The following ADAM32 variants were observed in gnomAD, a reference collection of about 807,000 sequenced individuals.
ADAM32 encodes ADAM metallopeptidase domain 32.
ADAM32 carries 89 observed loss-of-function variants against 114.9 expected under a neutral mutation model. The ratio of observed to expected loss-of-function variants is 0.77; its 90% CI spans 0.65 to 0.92. The LOEUF is 0.92. Among genes scored for constraint, ADAM32 ranks in the 40% least tolerant of loss-of-function variants. ADAM32 has a pLI of 0.00. For missense variants in ADAM32, 870 were observed against 932.8 expected, an observed-to-expected ratio of 0.93 and a Z score of 0.88; for synonymous variants, 285 against 307.5, an observed-to-expected ratio of 0.93 and a Z score of 0.77.
chr8:39,214,918 T>A (rs1333128136), intron 12 of ADAM32, among the ~76,000 whole-genome samples: 1 of 152,120 alleles, frequency 6.6e-6, no homozygotes, highest in Admixed American at 6.5e-5. Flanking sequence ...GATATCCAGT[T>A]TTCTCAGCAT....
At chr8:39,118,416 G>C (rs1840463681) in intron 2 of ADAM32, among the ~76,000 whole-genome samples, 1 of 152,036 alleles carries the variant, frequency 6.6e-6, no homozygotes, top group Non-Finnish European at 1.5e-5. Context: ...GTAGAATTAA[G>C]TGTTTTATCT....
intron 20 of ADAM32, among the ~76,000 whole-genome samples, chr8:39,272,913 C>T (rs1453366613): frequency 6.6e-6 from 1 of 152,090 alleles, no homozygotes; most frequent in African/African-American, 2.4e-5. Context: ...TTCTTTATAT[C>T]TTTATCGGCT....
At chr8:39,235,977 C>G (rs1810109918) in intron 16 of ADAM32, among the ~76,000 whole-genome samples, 1 of 152,110 alleles carries the variant, frequency 6.6e-6, no homozygotes, top group African/African-American at 2.4e-5. Flanking sequence ...AAAACAAGCT[C>G]TAATGTTACT....
chr8:39,263,433 A>G (rs1812164889), intron 19 of ADAM32, among the ~76,000 whole-genome samples: 1 of 151,956 alleles, frequency 6.6e-6, no homozygotes, highest in Non-Finnish European at 1.5e-5. Flanking sequence ...TCTCCTTCTG[A>G]ACTTCCTGTA....
rs147982829 is a variant in ADAM32, at chr8:39,276,932, C to T, written c.2279+1066C>T. On this transcript the variant is annotated intron_variant, in intron 22 of 24. Coordinates refer to ENST00000379907, the MANE Select transcript of ADAM32 (RefSeq NM_145004.7). ...TATAGCTAGCATGTAGCAGAGTGCT[C>T]GGCTCATATTATAAGTGATCAATAA... 6.0e-3 allele frequency among the ~76,000 whole-genome samples: 914 copies of T among 152,102 alleles called. 8 individuals carry two copies. The highest frequency in any genetic ancestry group is 0.021 in the African/African-American group (876 of 41,476).
intron 19 of ADAM32, among the ~76,000 whole-genome samples, chr8:39,263,567 A>G (rs181054486): frequency 6.6e-6 from 1 of 152,182 alleles, no homozygotes. Flanking sequence ...AGGGCTTTTA[A>G]AAACTGGGAT....
At chr8:39,261,814 T>C (rs904775432) in intron 19 of ADAM32, among the ~76,000 whole-genome samples, 11 of 149,974 alleles carry the variant, frequency 7.3e-5, no homozygotes, top group Non-Finnish European at 1.6e-4. Context: ...ATGTTGAACA[T>C]TTTTTCTCAT....
At chr8:39,130,912 T>C (rs1325909111) in intron 2 of ADAM32, 8 of 454,986 alleles carry the variant, frequency 1.8e-5, no homozygotes, top group Non-Finnish European at 3.1e-5. Context: ...TCATTTATCA[T>C]GCCTATAATC....
At chr8:39,262,617 C>T (rs1298466715) in intron 19 of ADAM32, among the ~76,000 whole-genome samples, 1 of 151,762 alleles carries the variant, frequency 6.6e-6, no homozygotes, top group African/African-American at 2.4e-5. Flanking sequence ...TCCTACCTTC[C>T]TCCTTCCCTC....
At chr8:39,177,766 T>C (rs1805616735) in intron 10 of ADAM32, among the ~76,000 whole-genome samples, 2 of 152,278 alleles carry the variant, frequency 1.3e-5, no homozygotes, top group African/African-American at 4.8e-5. Flanking sequence ...CTTTTGTTTA[T>C]GAAGCTTAGT....
chr8:39,211,388 A>G (rs760331578), intron 12 of ADAM32, 64 bp downstream of exon 12: 1 of 1,363,798 alleles, frequency 7.3e-7, no homozygotes, highest in Non-Finnish European at 9.6e-7. Flanking sequence ...TTTTTCATAA[A>G]TGTCATATAT....
intron 19 of ADAM32, among the ~76,000 whole-genome samples, chr8:39,270,269 C>T (rs1274883861): frequency 1.3e-5 from 2 of 152,160 alleles, no homozygotes; most frequent in African/African-American, 4.8e-5. Flanking sequence ...GGTCCTGAAA[C>T]TGCACTTTTA....
chr8:39,242,921 A>G (rs924043108), intron 16 of ADAM32, among the ~76,000 whole-genome samples: 1 of 152,250 alleles, frequency 6.6e-6, no homozygotes, highest in African/African-American at 2.4e-5. Context: ...AAAGTTCTAA[A>G]TAAGCTCAAT....
chr8:39,240,558 C>A (rs770842918), intron 16 of ADAM32, among the ~76,000 whole-genome samples: 1 of 152,166 alleles, frequency 6.6e-6, no homozygotes, highest in Non-Finnish European at 1.5e-5. Flanking sequence ...TGAGACTGGG[C>A]AATTTACAAA....
intron 2 of ADAM32, among the ~76,000 whole-genome samples, chr8:39,129,034 A>G (rs1055340230): frequency 1.3e-5 from 2 of 151,758 alleles, no homozygotes; most frequent in Admixed American, 1.3e-4. Context: ...TTTCTAGTAT[A>G]TGGAAATACA....
chr8:39,232,673 T>C (rs1809825489), intron 15 of ADAM32, among the ~76,000 whole-genome samples: 1 of 152,196 alleles, frequency 6.6e-6, no homozygotes, highest in African/African-American at 2.4e-5. Flanking sequence ...TTGCTTATGC[T>C]GTTACTTTTG....
In ADAM32 at chr8:39,221,694, G is replaced by C. The variant is rs761150358; in HGVS notation, c.1318G>C (p.Asp440His). 29 of 1,608,930 alleles carry C rather than the reference G, an allele frequency of 1.8e-5. No individual in the cohort carries two copies. Among genetic ancestry groups the C allele is most frequent in the Non-Finnish European group, 2.3e-5 (27 of 1,176,874 alleles). ...ATGTTATAAAGGACTGTGCTGCAAA[G>C]ACTGTCAAGTAAGATTTAAGCTTAT... Reference protein sequence around the residue: ...AKCYKGLCCKDCQILQSGVEC... With the variant: ...AKCYKGLCCKHCQILQSGVEC... The change falls in exon 13 of 25, where the codon GAC becomes CAC. Residue 440 changes from aspartate (D) to histidine (H), a missense_variant. By Grantham distance (81) the Asp-to-His change is moderately conservative (BLOSUM62 -1). Transcript: ENST00000379907.
intron 19 of ADAM32, among the ~76,000 whole-genome samples, chr8:39,267,394 A>G (rs528652312): frequency 6.6e-6 from 1 of 152,316 alleles, no homozygotes; most frequent in Admixed American, 6.5e-5. Context: ...ATATTTATAC[A>G]TGCTTTTGTG....
intron 11 of ADAM32, among the ~76,000 whole-genome samples, chr8:39,191,222 G>A (rs10448060): frequency 0.99 from 150,770 of 152,322 alleles, 74,631 homozygotes; most frequent in Middle Eastern, 1. Flanking sequence ...ATATACATGC[G>A]TGAGTCTTTA....
Sources: allele counts gnomAD v4.1 joint callset (sites outside exome capture counted in the v4.1 genomes callset), GRCh38; gene constraint gnomAD v4.1.1; transcripts MANE v1.5; gene names NCBI Gene and HGNC (gene_info 2026-07-23, HGNC 2026-07-21).